Variants in ARL13B observed in about 807,000 individuals in gnomAD.
ARL13B encodes ARF like GTPase 13B, also known as ADP-ribosylation factor-like protein 13B.
ARL13B carries 36 observed loss-of-function variants against 56.1 expected under a neutral mutation model. The observed-to-expected ratio is 0.64, with a 90% confidence interval of 0.49 to 0.85. The LOEUF is 0.85. Among genes scored for constraint, ARL13B ranks in the 40% least tolerant of loss-of-function variants. The pLI is 0.00. For missense variants in ARL13B, 519 were observed against 507.1 expected, an observed-to-expected ratio of 1.02 and a Z score of -0.23; for synonymous variants, 178 against 171.1, an observed-to-expected ratio of 1.04 and a Z score of -0.32.
intron 2 of ARL13B, among the ~76,000 whole-genome samples, chr3:93,997,725 T>A (rs969303086): frequency 4.6e-5 from 7 of 152,166 alleles, no homozygotes; most frequent in Non-Finnish European, 1.0e-4. Flanking sequence ...GGCTCACACC[T>A]GTAATAATCC....
intron 1 of ARL13B, among the ~76,000 whole-genome samples, chr3:93,990,718 CTA>C (rs1272715772): frequency 1.3e-5 from 2 of 152,126 alleles, no homozygotes; most frequent in South Asian, 2.1e-4. Flanking sequence ...TGAGTTGTGA[CTA>C]TGTTCTTCTT....
intron 3 of ARL13B, among the ~76,000 whole-genome samples, chr3:94,029,349 A>T (rs10717845): frequency 0.5 from 42,661 of 85,712 alleles, 9,414 homozygotes; most frequent in Admixed American, 0.53. Flanking sequence ...TTTTTTTTTT[A>T]TTTTTTTTTT....
intron 3 of ARL13B, among the ~76,000 whole-genome samples, chr3:94,024,874 T>C (rs543867730): frequency 7.4e-4 from 113 of 152,266 alleles, no homozygotes; most frequent in African/African-American, 2.7e-3. Context: ...AGGCATGAGC[T>C]AGTGCACCCA....
At chr3:94,003,185 C>T (rs1338584982) in intron 2 of ARL13B, among the ~76,000 whole-genome samples, 1 of 152,096 alleles carries the variant, frequency 6.6e-6, no homozygotes, top group African/African-American at 2.4e-5. Context: ...TTTAATTCAG[C>T]TAATTAAAAA....
intron 3 of ARL13B, among the ~76,000 whole-genome samples, chr3:94,022,861 A>G (rs1251235673): frequency 3.3e-5 from 5 of 152,078 alleles, no homozygotes; most frequent in African/African-American, 1.2e-4. Context: ...TAATTACCAA[A>G]GTTTTTCACC....
intron 2 of ARL13B, among the ~76,000 whole-genome samples, chr3:94,003,076 T>C (rs1423288066): frequency 1.3e-5 from 2 of 152,166 alleles, no homozygotes; most frequent in Non-Finnish European, 2.9e-5. Context: ...AATTCAATTA[T>C]GTATTTATTG....
At chr3:94,012,281 A>G (rs2076237673) in intron 3 of ARL13B, among the ~76,000 whole-genome samples, 1 of 152,150 alleles carries the variant, frequency 6.6e-6, no homozygotes, top group African/African-American at 2.4e-5. Context: ...CTAATATCCT[A>G]AAACCTCCAC....
intron 3 of ARL13B, among the ~76,000 whole-genome samples, chr3:94,022,779 C>T (rs1368125002): frequency 6.6e-6 from 1 of 151,828 alleles, no homozygotes; most frequent in Non-Finnish European, 1.5e-5. Flanking sequence ...GGTGATTTTT[C>T]ACAAAGTAAA....
chr3:93,993,576 G>A (rs1356857918), intron 1 of ARL13B, among the ~76,000 whole-genome samples: 1 of 152,080 alleles, frequency 6.6e-6, no homozygotes, highest in Non-Finnish European at 1.5e-5. Flanking sequence ...ATGTGCCTCC[G>A]TGCTTTGCTA....
chr3:93,996,200 A>G (rs2075962792), intron 2 of ARL13B, among the ~76,000 whole-genome samples: 1 of 152,210 alleles, frequency 6.6e-6, no homozygotes, highest in African/African-American at 2.4e-5. Flanking sequence ...AGGGAATAGT[A>G]TCTGTATTCT....
intron 4 of ARL13B, among the ~76,000 whole-genome samples, chr3:94,036,101 A>T (rs566404319): frequency 1.3e-5 from 2 of 152,256 alleles, no homozygotes; most frequent in South Asian, 2.1e-4. Context: ...AAGATAAATC[A>T]TATCAGGAGA....
At chr3:93,980,726 AGTGTGTGT>A (rs35756044) in intron 1 of ARL13B, among the ~76,000 whole-genome samples, 44 of 146,984 alleles carry the variant, frequency 3.0e-4, no homozygotes, top group Admixed American at 8.2e-4. Context: ...TTTGTTAAAA[AGTGTGTGT>A]GTGTGTGTGT....
At chr3:94,032,557 C>T (rs924313440) in intron 3 of ARL13B, among the ~76,000 whole-genome samples, 8 of 151,756 alleles carry the variant, frequency 5.3e-5, no homozygotes, top group Non-Finnish European at 1.0e-4. Flanking sequence ...AGTGTAGTGG[C>T]GCGATCTCGG....
At chr3:94,002,570 TAA>T (rs1559976024) in intron 2 of ARL13B, among the ~76,000 whole-genome samples, 1 of 152,208 alleles carries the variant, frequency 6.6e-6, no homozygotes, top group Non-Finnish European at 1.5e-5. Flanking sequence ...CAGAAAAATA[TAA>T]AGTTTGAACT....
intron 3 of ARL13B, among the ~76,000 whole-genome samples, chr3:94,007,450 C>T (rs544709562): frequency 6.6e-6 from 1 of 152,090 alleles, no homozygotes; most frequent in Non-Finnish European, 1.5e-5. Flanking sequence ...TAAAGGCATA[C>T]CTAAGACTGG....
In ARL13B at chr3:93,998,652, T is replaced by C. The variant is rs181411752; in HGVS notation, c.130+2708T>C. The stretch of plus-strand genomic sequence containing the variant: ...TATAGTCTCCTCTTTTATAAAGTCC[T>C]TTTTAATTCCCAGCTGCCCCAATTA... On this transcript the variant is annotated intron_variant, in intron 2 of 9. Coordinates refer to ENST00000394222, the MANE Select transcript of ARL13B (RefSeq NM_001174150.2). 5.5e-3 allele frequency among the ~76,000 whole-genome samples: 837 copies of C among 152,312 alleles called. 15 individuals are homozygous for C. The highest frequency in any genetic ancestry group is 3.7e-3 in the Non-Finnish European group (254 of 68,032).
At chr3:93,992,376 G>A (rs1575935938) in intron 1 of ARL13B, among the ~76,000 whole-genome samples, 1 of 152,034 alleles carries the variant, frequency 6.6e-6, no homozygotes, top group Admixed American at 6.6e-5. Context: ...TTTATTTGTG[G>A]TATTGTCTTC....
chr3:94,001,256 A>G (rs901294226), intron 2 of ARL13B, among the ~76,000 whole-genome samples: 2 of 152,212 alleles, frequency 1.3e-5, no homozygotes, highest in South Asian at 2.1e-4. Context: ...AAGGTGTTCC[A>G]TATATCAAAA....
intron 1 of ARL13B, 103 bp from the exon 2 acceptor site, chr3:93,995,771 A>G (rs1192963455): frequency 2.9e-6 from 3 of 1,049,136 alleles, no homozygotes; most frequent in African/African-American, 1.6e-5. Context: ...CTTGTGCTTA[A>G]TAGGTGCTCC....
Sources: allele counts gnomAD v4.1 joint callset (sites outside exome capture counted in the v4.1 genomes callset), GRCh38; gene constraint gnomAD v4.1.1; transcripts MANE v1.5; gene names NCBI Gene and HGNC (gene_info 2026-07-23, HGNC 2026-07-21).